The following MGAT5 variants were observed in gnomAD, a reference collection of about 807,000 sequenced individuals.
MGAT5 encodes alpha-1,6-mannosylglycoprotein 6-beta-N-acetylglucosaminyltransferase A.
Under a neutral mutation model 94.3 loss-of-function variants are expected in MGAT5, and 30 were observed. The ratio of observed to expected loss-of-function variants is 0.32; its 90% CI spans 0.24 to 0.43. MGAT5 has a LOEUF of 0.43. Ranked by LOEUF, MGAT5 falls within the 20% of genes least tolerant of loss-of-function variation. The probability of loss-of-function intolerance (pLI) is 1.00; values close to 1 mark genes in which losing one functional copy is unlikely to be tolerated. For synonymous variants in MGAT5, 310 were observed against 322.9 expected, an observed-to-expected ratio of 0.96 and a Z score of 0.43; for missense variants, 691 against 905.5, an observed-to-expected ratio of 0.76 and a Z score of 3.04.
At chr2:134,243,123 A>T (rs916751968) in intron 1 of MGAT5, among the ~76,000 whole-genome samples, 1 of 152,074 alleles carries the variant, frequency 6.6e-6, no homozygotes, top group African/African-American at 2.4e-5. Context: ...TAGAGTTGTT[A>T]TAGAATGTCT....
At chr2:134,133,222 A>G (rs1049849920) in intron 1 of MGAT5, among the ~76,000 whole-genome samples, 1 of 152,248 alleles carries the variant, frequency 6.6e-6, no homozygotes, top group Non-Finnish European at 1.5e-5. Context: ...AATAAAATTT[A>G]GAGACATTAA....
chr2:134,361,170 G>T (rs1362226837), intron 9 of MGAT5, among the ~76,000 whole-genome samples: 1 of 152,250 alleles, frequency 6.6e-6, no homozygotes, highest in Non-Finnish European at 1.5e-5. Flanking sequence ...AGCACAACCA[G>T]AACAAGATGA....
chr2:134,169,130 G>A (rs1254649334), intron 1 of MGAT5, among the ~76,000 whole-genome samples: 1 of 152,182 alleles, frequency 6.6e-6, no homozygotes, highest in Non-Finnish European at 1.5e-5. Flanking sequence ...GACAATGCAG[G>A]TTTCTGGTAG....
intron 1 of MGAT5, among the ~76,000 whole-genome samples, chr2:134,148,555 C>T (rs1260939455): frequency 6.6e-6 from 1 of 152,212 alleles, no homozygotes; most frequent in South Asian, 2.1e-4. Flanking sequence ...GAGCATGGCT[C>T]TCTCACCTTT....
chr2:134,317,384 C>A, intron 2 of MGAT5, 145 bp from the exon 3 acceptor site: 1 of 492,602 alleles, frequency 2.0e-6, no homozygotes. Context: ...TATATTGGAG[C>A]TGGAGGGGCT....
intron 2 of MGAT5, among the ~76,000 whole-genome samples, chr2:134,271,483 A>G (rs1487467306): frequency 6.6e-6 from 1 of 152,050 alleles, no homozygotes; most frequent in Admixed American, 6.6e-5. Context: ...TCCTGCTTTA[A>G]AAAAAAATCT....
chr2:134,196,402 T>TA (rs11405614), intron 1 of MGAT5, among the ~76,000 whole-genome samples: 51,750 of 145,454 alleles, frequency 0.36, 9,914 homozygotes, highest in East Asian at 0.6. Context: ...TCTTAAGGCT[T>TA]AAAAAAAAAA....
At chr2:134,378,696 A>G (rs935588074) in intron 10 of MGAT5, among the ~76,000 whole-genome samples, 4 of 144,012 alleles carry the variant, frequency 2.8e-5, no homozygotes, top group African/African-American at 7.8e-5. Context: ...GCTCACTGCC[A>G]CCTGTGACTC....
chr2:134,140,352 G>A (rs1159273721), intron 1 of MGAT5, among the ~76,000 whole-genome samples: 4 of 152,234 alleles, frequency 2.6e-5, no homozygotes, highest in African/African-American at 9.6e-5. Flanking sequence ...GCTGCTGTGG[G>A]CGCCACAAGT....
At chr2:134,267,209 G>A (rs1266900832) in intron 1 of MGAT5, among the ~76,000 whole-genome samples, 1 of 152,204 alleles carries the variant, frequency 6.6e-6, no homozygotes, top group Non-Finnish European at 1.5e-5. Context: ...TAGTTCTTAA[G>A]AGGTGGTGAA....
chr2:134,293,381 G>A (rs1253817011), intron 2 of MGAT5, among the ~76,000 whole-genome samples: 1 of 152,086 alleles, frequency 6.6e-6, no homozygotes, highest in African/African-American at 2.4e-5. Context: ...GCTTTGCTCC[G>A]TTCCTTTTCT....
chr2:134,135,129 A>G (rs1686345609), intron 1 of MGAT5, among the ~76,000 whole-genome samples: 1 of 152,208 alleles, frequency 6.6e-6, no homozygotes, highest in Non-Finnish European at 1.5e-5. Flanking sequence ...ATTGAAATAC[A>G]TTAGATTTGT....
chr2:134,234,762 G>T (rs1177739266), intron 1 of MGAT5, among the ~76,000 whole-genome samples: 2 of 152,236 alleles, frequency 1.3e-5, no homozygotes, highest in African/African-American at 4.8e-5. Flanking sequence ...CAATATTTGA[G>T]AACAATACCA....
intron 1 of MGAT5, among the ~76,000 whole-genome samples, chr2:134,156,729 C>T (rs555508327): frequency 7.9e-5 from 12 of 152,270 alleles, no homozygotes; most frequent in Admixed American, 2.6e-4. Flanking sequence ...TAGTCCGTTT[C>T]GAGGGCTGTG....
At chr2:134,166,529 G>A (rs1687971496) in intron 1 of MGAT5, among the ~76,000 whole-genome samples, 1 of 152,160 alleles carries the variant, frequency 6.6e-6, no homozygotes, top group African/African-American at 2.4e-5. Flanking sequence ...TATATTACAA[G>A]AACTGAACTT....
chr2:134,254,851 C>T (rs1256051395), intron 1 of MGAT5, among the ~76,000 whole-genome samples: 1 of 152,176 alleles, frequency 6.6e-6, no homozygotes, highest in East Asian at 1.9e-4. Flanking sequence ...ACACACTTTC[C>T]CCTGGAGTCA....
chr2:134,182,983 G>T (rs946640322), intron 1 of MGAT5, among the ~76,000 whole-genome samples: 1 of 151,726 alleles, frequency 6.6e-6, no homozygotes, highest in Admixed American at 6.6e-5. Flanking sequence ...GTAGAGACAG[G>T]GTTTCACCGT....
At chr2:134,131,140 AC>A (rs1686140787) in intron 1 of MGAT5, among the ~76,000 whole-genome samples, 2 of 151,976 alleles carry the variant, frequency 1.3e-5, no homozygotes, top group African/African-American at 4.8e-5. Flanking sequence ...CTGCAGCTTC[AC>A]TCCTGAGGCC....
intron 10 of MGAT5, among the ~76,000 whole-genome samples, chr2:134,363,523 C>T (rs1026894124): frequency 7.2e-5 from 11 of 152,142 alleles, no homozygotes; most frequent in South Asian, 2.1e-4. Context: ...TTTTATTTAC[C>T]GATTCCCCTC....
Sources: gnomAD v4.1 joint callset for allele counts (sites outside exome capture counted in the v4.1 genomes callset) on GRCh38, gnomAD v4.1.1 for gene constraint, MANE v1.5 for transcripts, NCBI Gene and HGNC (gene_info 2026-07-23, HGNC 2026-07-21) for gene names.